The following CTDP1 variants were observed in gnomAD, a reference collection of about 807,000 sequenced individuals.
CTDP1 encodes the protein RNA polymerase II subunit A C-terminal domain phosphatase.
Under a neutral mutation model 91.8 loss-of-function variants are expected in CTDP1, and 47 were observed. The ratio of observed to expected loss-of-function variants is 0.51; its 90% CI spans 0.41 to 0.65. CTDP1 has a LOEUF of 0.65. Ranked by LOEUF, CTDP1 falls within the 30% of genes least tolerant of loss-of-function variation. The probability of loss-of-function intolerance (pLI) is 0.00; values close to 1 mark genes in which losing one functional copy is unlikely to be tolerated. For missense variants in CTDP1, 1,272 were observed against 1,373.7 expected, an observed-to-expected ratio of 0.93 and a Z score of 1.17; for synonymous variants, 656 against 598.5, an observed-to-expected ratio of 1.10 and a Z score of -1.40.
At chr18:79,747,347 T>C (rs890173940) in intron 12 of CTDP1, among the ~76,000 whole-genome samples, 2 of 152,144 alleles carry the variant, frequency 1.3e-5, no homozygotes, top group Non-Finnish European at 1.5e-5. Flanking sequence ...CATGACAATG[T>C]TCACACCCAG....
In CTDP1 at chr18:79,736,504, A is replaced by G; in HGVS notation, c.2730A>G (p.Ala910=). 1 of 1,545,488 alleles carries G rather than the reference A, an allele frequency of 6.5e-7. No homozygotes were observed. Among genetic ancestry groups the G allele is most frequent in the South Asian group, 1.2e-5 (1 of 83,850 alleles). ...CTGCGTCCAGCGAGAGGAGCGCGGCAGGGGGCCGGGGGCCCAGGTGAGTGC... is the reference window on the plus strand; with the variant it reads ...CTGCGTCCAGCGAGAGGAGCGCGGCGGGGGGCCGGGGGCCCAGGTGAGTGC... ...GAPASSERSA[A]GGRGPRGHKR... The change falls in exon 12 of 13, where the codon GCA becomes GCG. Residue 910 remains alanine, a synonymous_variant. Transcript: ENST00000613122.
At chr18:79,707,534 T>C (rs1568188565) in intron 5 of CTDP1, among the ~76,000 whole-genome samples, 1 of 152,252 alleles carries the variant, frequency 6.6e-6, no homozygotes, top group Non-Finnish European at 1.5e-5. Context: ...CGTTTCAAGC[T>C]CTGCTTTCTA....
In CTDP1 at chr18:79,719,508, G is replaced by A. The variant is rs143286193; in HGVS notation, c.2417+1492G>A. Among the ~76,000 whole-genome samples the A allele has an allele frequency of 5.7e-3, 865 of 152,302 alleles. 9 individuals carry two copies. The highest frequency in any genetic ancestry group is 0.017 in the African/African-American group (718 of 41,552). On this transcript the variant is annotated intron_variant, in intron 10 of 12. Coordinates refer to ENST00000613122, the MANE Select transcript of CTDP1 (RefSeq NM_004715.5). The stretch of plus-strand genomic sequence containing the variant: ...CCCTGATGGATAGGAAGGTGTCCTC[G>A]TGATGATGTCACCTCCCGTTGTTAG...
At chr18:79,676,782 C>T (rs1224847860), upstream of CTDP1, among the ~76,000 whole-genome samples, 1 of 152,192 alleles carries the variant, frequency 6.6e-6, no homozygotes, top group African/African-American at 2.4e-5. Flanking sequence ...GCTATTTTTC[C>T]TGACTGTGGC....
intron 10 of CTDP1, among the ~76,000 whole-genome samples, chr18:79,720,417 GTGA>G (rs754727906): frequency 6.6e-6 from 1 of 150,402 alleles, no homozygotes; most frequent in Non-Finnish European, 1.5e-5. Context: ...AGGCGTCCTG[GTGA>G]TGATGTCACC....
rs79893456 is a variant in CTDP1, at chr18:79,700,251, G to A, written c.621+2263G>A. 1.5e-3 allele frequency among the ~76,000 whole-genome samples: 235 copies of A among 152,318 alleles called. 5 individuals carry two copies. The East Asian group carries it at 0.039, about 25-fold the overall frequency. On this transcript the variant is annotated intron_variant, in intron 4 of 12. Coordinates refer to ENST00000613122, the MANE Select transcript of CTDP1 (RefSeq NM_004715.5). ...TCTCACTTTAAATCAAAAGGTAGAC[G>A]TGATTATGCTTAGTGAGGAATGCAC...
chr18:79,723,270 AG>A (rs1256017573), intron 10 of CTDP1, among the ~76,000 whole-genome samples: 2 of 151,994 alleles, frequency 1.3e-5, no homozygotes, highest in African/African-American at 4.8e-5. Flanking sequence ...CCCGTCTCAC[AG>A]TGGGTCCCGT....
In CTDP1 at chr18:79,737,876, G is replaced by A. The variant is rs548332597; in HGVS notation, c.2747+1355G>A. On this transcript the variant is annotated intron_variant, in intron 12 of 12. Coordinates refer to ENST00000613122, the MANE Select transcript of CTDP1 (RefSeq NM_004715.5). ...GCTTTTACCAAATAGAATAGGACAC[G>A]GTGATGCTGTTCCCTTTCTTAAACA... 6.3e-4 allele frequency among the ~76,000 whole-genome samples: 96 copies of A among 152,278 alleles called. 3 individuals carry two copies. In the South Asian group the frequency reaches 0.016, roughly 25 times the overall value.
At chr18:79,739,329 C>T (rs72976164) in intron 12 of CTDP1, among the ~76,000 whole-genome samples, 18,342 of 152,110 alleles carry the variant, frequency 0.12, 1,542 homozygotes, top group Non-Finnish European at 0.19. Context: ...CTGGATGTGG[C>T]GCTCAGCGGG....
chr18:79,714,661 C>G lies in CTDP1; in HGVS notation c.1201C>G (p.Pro401Ala). Residue 401 changes from proline (P) to alanine (A), a missense_variant, in exon 8 of 13, where the codon CCA becomes GCA. Pro to Ala is a conservative substitution (Grantham distance 27, BLOSUM62 -1). Transcript: ENST00000613122. ...TPRDSPRPGK[P>A]DERDIWPPAQ... The stretch of plus-strand genomic sequence containing the variant: ...GCGGGACTCACCCCGCCCCGGGAAG[C>G]CAGACGAGAGGGACATCTGGCCCCC... 6.2e-7 allele frequency: 1 copy of G among 1,612,014 alleles called. No individual in the cohort carries two copies. The highest frequency in any genetic ancestry group is 1.1e-5 in the South Asian group (1 of 91,022).
intron 4 of CTDP1, 79 bp from the exon 5 acceptor site, chr18:79,704,688 T>C: frequency 6.3e-7 from 1 of 1,579,256 alleles, no homozygotes; most frequent in Non-Finnish European, 8.6e-7. Context: ...TCAGGATGCC[T>C]GTCTCGGGCA....
At chr18:79,745,272 C>A in intron 12 of CTDP1, among the ~76,000 whole-genome samples, 1 of 134,136 alleles carries the variant, frequency 7.5e-6, no homozygotes, top group African/African-American at 2.8e-5. Context: ...TGCGTCCCTC[C>A]CGTGCGCGTT....
At chr18:79,689,300 T>C (rs1444369785) in intron 1 of CTDP1, among the ~76,000 whole-genome samples, 1 of 152,196 alleles carries the variant, frequency 6.6e-6, no homozygotes, top group Non-Finnish European at 1.5e-5. Context: ...GTTACAACTT[T>C]TCCTGTTGTA....
At chr18:79,746,391 C>T (rs1390443565) in intron 12 of CTDP1, among the ~76,000 whole-genome samples, 1 of 152,118 alleles carries the variant, frequency 6.6e-6, no homozygotes, top group Non-Finnish European at 1.5e-5. Flanking sequence ...GTGCGTCCCT[C>T]CCATGCGTGT....
At chr18:79,694,131 G>A (rs1040243025) in intron 1 of CTDP1, among the ~76,000 whole-genome samples, 2 of 151,758 alleles carry the variant, frequency 1.3e-5, no homozygotes, top group Non-Finnish European at 1.5e-5. Flanking sequence ...CAGGGTGGTC[G>A]GAGCAGCCCG....
At chr18:79,686,796 C>T (rs942376807) in intron 1 of CTDP1, among the ~76,000 whole-genome samples, 1 of 152,070 alleles carries the variant, frequency 6.6e-6, no homozygotes, top group Non-Finnish European at 1.5e-5. Context: ...GGGCCTGCAC[C>T]ACAGCAGTTG....
In CTDP1 at chr18:79,704,842, C is replaced by T; in HGVS notation, c.697C>T (p.Leu233=). The T allele has an allele frequency of 1.2e-6, 2 of 1,614,080 alleles. No individual in the cohort carries two copies. The highest frequency in any genetic ancestry group is 1.7e-6 in the Non-Finnish European group (2 of 1,180,036). Residue 233 remains leucine, a synonymous_variant, in exon 5 of 13, where the codon CTG becomes TTG. Transcript: ENST00000613122. The part of the protein sequence containing the change: ...TRLRPHCKDF[L]EKIAKLYELH... ...CCTGCGTCCACACTGCAAGGACTTCCTGGAGAAGATCGCCAAGCTGTACGA... is the reference window on the plus strand; with the variant it reads ...CCTGCGTCCACACTGCAAGGACTTCTTGGAGAAGATCGCCAAGCTGTACGA...
intron 12 of CTDP1, among the ~76,000 whole-genome samples, chr18:79,750,968 C>G: frequency 1.7e-5 from 2 of 114,750 alleles, no homozygotes; most frequent in Non-Finnish European, 1.8e-5. Flanking sequence ...GTACAGAGGG[C>G]AGGCTTGGGA....
At chr18:79,724,188 C>T (rs182858090) in intron 10 of CTDP1, among the ~76,000 whole-genome samples, 3 of 152,330 alleles carry the variant, frequency 2.0e-5, no homozygotes, top group African/African-American at 4.8e-5. Flanking sequence ...TTGGGGTCAC[C>T]GGTTGCAGAT....
Sources: gnomAD v4.1 joint callset for allele counts (sites outside exome capture counted in the v4.1 genomes callset) on GRCh38, gnomAD v4.1.1 for gene constraint, MANE v1.5 for transcripts, NCBI Gene and HGNC (gene_info 2026-07-23, HGNC 2026-07-21) for gene names.